Variants in SGPP2 observed in about 807,000 individuals in gnomAD.
The protein encoded by SGPP2 is sphingosine 1-phosphate phosphohydrolase 2.
Under a neutral mutation model 33.9 loss-of-function variants are expected in SGPP2, and 30 were observed. The observed-to-expected ratio is 0.89, with a 90% confidence interval of 0.66 to 1.20. SGPP2 has a LOEUF of 1.20. SGPP2 is among the 50% of genes most tolerant of loss of function. The pLI, the probability that SGPP2 is intolerant of heterozygous loss-of-function variation, is 0.00. For missense variants in SGPP2, 458 were observed against 532.1 expected (o/e 0.86, Z 1.37); for synonymous variants, 233 against 225.0 (o/e 1.04, Z -0.32).
chr2:222,447,003 CA>C (rs898284051), intron 1 of SGPP2, among the ~76,000 whole-genome samples: 4 of 152,180 alleles, frequency 2.6e-5, no homozygotes, highest in Non-Finnish European at 1.5e-5. Context: ...TCTCATAGAA[CA>C]AGAGGTTAGA....
chr2:222,499,627 G>A (rs1698335914), intron 2 of SGPP2, among the ~76,000 whole-genome samples: 1 of 152,158 alleles, frequency 6.6e-6, no homozygotes, highest in African/African-American at 2.4e-5. Context: ...GGGGCATTGG[G>A]GGAAACACAA....
chr2:222,497,838 A>G (rs1698305088), intron 2 of SGPP2, among the ~76,000 whole-genome samples: 2 of 152,152 alleles, frequency 1.3e-5, no homozygotes. Context: ...GCAGAAACCT[A>G]CTTTAGAGAA....
intron 1 of SGPP2, among the ~76,000 whole-genome samples, chr2:222,438,429 CAAATA>C (rs2106064084): frequency 6.6e-6 from 1 of 152,312 alleles, no homozygotes; most frequent in South Asian, 2.1e-4. Flanking sequence ...AAGGTCTCTC[CAAATA>C]AGATTATGAC....
intron 4 of SGPP2, among the ~76,000 whole-genome samples, chr2:222,538,707 T>C (rs926910097): frequency 1.3e-5 from 2 of 152,140 alleles, no homozygotes; most frequent in African/African-American, 4.8e-5. Context: ...ACAGTCATAG[T>C]GGAAGGGGAA....
At chr2:222,490,920 T>C (rs1042264451) in intron 2 of SGPP2, among the ~76,000 whole-genome samples, 2 of 152,142 alleles carry the variant, frequency 1.3e-5, no homozygotes, top group Non-Finnish European at 2.9e-5. Flanking sequence ...TGAACATAAT[T>C]CATTAGTTAT....
intron 2 of SGPP2, among the ~76,000 whole-genome samples, 158 bp from the exon 3 acceptor site, chr2:222,521,609 A>G (rs7556877): frequency 1.3e-5 from 2 of 152,240 alleles, no homozygotes; most frequent in African/African-American, 4.8e-5. Flanking sequence ...CTTTTTACCA[A>G]CTAAAATATC....
At chr2:222,501,763 TTTAATATC>T (rs1055612870) in intron 2 of SGPP2, among the ~76,000 whole-genome samples, 1 of 152,204 alleles carries the variant, frequency 6.6e-6, no homozygotes, top group African/African-American at 2.4e-5. Flanking sequence ...TGAATCTCAC[TTTAATATC>T]TATGCTTTTT....
At chr2:222,435,028 G>GTA (rs140612447) in intron 1 of SGPP2, among the ~76,000 whole-genome samples, 1 of 140,572 alleles carries the variant, frequency 7.1e-6, no homozygotes, top group African/African-American at 2.7e-5. Flanking sequence ...GTATATGTGT[G>GTA]TATATATATG....
intron 2 of SGPP2, among the ~76,000 whole-genome samples, chr2:222,478,317 TA>T (rs1222104705): frequency 6.7e-6 from 1 of 149,750 alleles, no homozygotes; most frequent in Non-Finnish European, 1.5e-5. Flanking sequence ...GTGTTGGGAT[TA>T]GGGGTGCTCT....
rs561784078 is a variant in SGPP2, at chr2:222,441,794, G to C, written c.219+16973G>C. Among the ~76,000 whole-genome samples the C allele has an allele frequency of 3.9e-4, 59 of 152,170 alleles. No individual in the cohort carries two copies. The South Asian group carries it at 0.012, about 32-fold the overall frequency. On this transcript the variant is annotated intron_variant, in intron 1 of 4. Transcript: ENST00000321276. ...ATTAGTTACTAAGATTATTACCATT[G>C]ATCCACATTAGAACCTTAAATAAAT...
At chr2:222,547,614 CTAT>C (rs1384077239) in intron 4 of SGPP2, among the ~76,000 whole-genome samples, 1 of 152,028 alleles carries the variant, frequency 6.6e-6, no homozygotes, top group East Asian at 1.9e-4. Context: ...TTATACTATA[CTAT>C]TATACTATTA....
intron 4 of SGPP2, among the ~76,000 whole-genome samples, chr2:222,534,566 G>A (rs923151103): frequency 6.6e-6 from 1 of 152,002 alleles, no homozygotes; most frequent in African/African-American, 2.4e-5. Flanking sequence ...TCTGGCTTTG[G>A]ACTAGAGCAT....
At chr2:222,433,462 C>T (rs1697189275) in intron 1 of SGPP2, among the ~76,000 whole-genome samples, 1 of 152,142 alleles carries the variant, frequency 6.6e-6, no homozygotes, top group Admixed American at 6.5e-5. Flanking sequence ...TGAGGAAGAA[C>T]AATGGGGAGA....
upstream of SGPP2, chr2:222,424,530 C>G (rs1407884066): frequency 9.5e-7 from 1 of 1,047,780 alleles, no homozygotes. Context: ...GGGGGCGAGG[C>G]GGGAGTGGCG....
At chr2:222,538,665 G>T (rs1208128771) in intron 4 of SGPP2, among the ~76,000 whole-genome samples, 1 of 152,192 alleles carries the variant, frequency 6.6e-6, no homozygotes, top group Non-Finnish European at 1.5e-5. Flanking sequence ...AAGCATAGTG[G>T]CTTCTGCTTC....
chr2:222,504,954 G>T (rs1016407356), intron 2 of SGPP2: 1 of 152,298 alleles, frequency 6.6e-6, no homozygotes, highest in Middle Eastern at 3.4e-3. Flanking sequence ...TACATTTTAG[G>T]CCAAGTCCAG....
chr2:222,478,290 T>TGC (rs1697980170), intron 2 of SGPP2, among the ~76,000 whole-genome samples: 2 of 151,622 alleles, frequency 1.3e-5, no homozygotes, highest in Admixed American at 1.3e-4. Context: ...TGTGTGTGTG[T>TGC]GTGTGTATAC....
intron 2 of SGPP2, among the ~76,000 whole-genome samples, chr2:222,505,992 A>C (rs1698439220): frequency 1.3e-5 from 2 of 152,082 alleles, no homozygotes; most frequent in East Asian, 1.9e-4. Flanking sequence ...ACATGAACAC[A>C]TCAAACTATA....
chr2:222,431,463 G>A (rs1041974243), intron 1 of SGPP2, among the ~76,000 whole-genome samples: 2 of 152,130 alleles, frequency 1.3e-5, no homozygotes, highest in African/African-American at 4.8e-5. Flanking sequence ...CCAAGATCAT[G>A]CCACTGCACT....
Sources: gnomAD v4.1 joint callset for allele counts (sites outside exome capture counted in the v4.1 genomes callset) on GRCh38, gnomAD v4.1.1 for gene constraint, MANE v1.5 for transcripts, NCBI Gene and HGNC (gene_info 2026-07-23, HGNC 2026-07-21) for gene names.